Variants in SOX6 observed in about 807,000 individuals in gnomAD.
The protein encoded by SOX6 is transcription factor SOX-6.
Under a neutral mutation model 97.8 loss-of-function variants are expected in SOX6, and 11 were observed. The ratio of observed to expected loss-of-function variants is 0.11; its 90% confidence interval spans 0.07 to 0.19. SOX6 has a LOEUF of 0.19. Ranked by LOEUF, SOX6 falls within the 10% of genes least tolerant of loss-of-function variation. The pLI, the probability that SOX6 is intolerant of heterozygous loss-of-function variation, is 1.00. For missense variants in SOX6, 810 were observed against 1,039.5 expected (o/e 0.78, Z 3.04); for synonymous variants, 360 against 371.4 (o/e 0.97, Z 0.35).
At position 16,532,553 on chromosome 11, in the gene SOX6, A is replaced by T. The variant is rs80096434; in HGVS notation, n.610-56165T>A. 2.8e-3 allele frequency among the ~76,000 whole-genome samples: 432 copies of T among 152,054 alleles called. 2 individuals are homozygous for T. Among genetic ancestry groups the T allele is most frequent in the African/African-American group, 9.9e-3 (413 of 41,576 alleles). On this transcript the variant is annotated intron_variant and non_coding_transcript_variant, in intron 4 of 5. Transcript: ENST00000524520. ...GTAGTCTCCTTAGCAAATCTCAACT[A>T]CTGAATCCTACTTAGAGCATGTCCA...
At chr11:16,036,434 TGA>T (rs1855521045) in intron 12 of SOX6, among the ~76,000 whole-genome samples, 1 of 152,172 alleles carries the variant, frequency 6.6e-6, no homozygotes, top group African/African-American at 2.4e-5. Context: ...GTCTTTCTGT[TGA>T]GAGAGTGTTG....
chr11:15,995,852 T>A (rs1442061566), intron 13 of SOX6, among the ~76,000 whole-genome samples: 1 of 152,156 alleles, frequency 6.6e-6, no homozygotes, highest in Admixed American at 6.5e-5. Flanking sequence ...AGGAAATAAA[T>A]TCAGAGTTTT....
At position 16,301,746 on chromosome 11, in the gene SOX6, C is replaced by T. The variant is rs572951816; in HGVS notation, c.445+16700G>A. On this transcript the variant is annotated intron_variant, in intron 3 of 15. Transcript: ENST00000683767. ...TTTGATGCAACAATGTTCATTGTTGCAACCTGAAAGCAACAATGATAATTT... is the reference window on the plus strand; with the variant it reads ...TTTGATGCAACAATGTTCATTGTTGTAACCTGAAAGCAACAATGATAATTT... Among the ~76,000 whole-genome samples the T allele has an allele frequency of 3.3e-5, 5 of 151,918 alleles. No homozygotes were observed. The East Asian group carries it at 9.7e-4, about 29-fold the overall frequency.
At chr11:16,081,701 A>T (rs919714869) in intron 9 of SOX6, among the ~76,000 whole-genome samples, 14 of 152,178 alleles carry the variant, frequency 9.2e-5, no homozygotes, top group African/African-American at 3.4e-4. Flanking sequence ...ACTATAATTT[A>T]CAGCTCAGCA....
At chr11:16,469,835 C>T (rs1401073640) in intron 1 of SOX6, among the ~76,000 whole-genome samples, 1 of 152,018 alleles carries the variant, frequency 6.6e-6, no homozygotes. Context: ...TCTCAAAATT[C>T]CATCAATACA....
intron 6 of SOX6, among the ~76,000 whole-genome samples, chr11:16,183,292 A>G (rs1851390572): frequency 1.3e-5 from 2 of 151,586 alleles, no homozygotes; most frequent in Non-Finnish European, 2.9e-5. Flanking sequence ...TTACATTGCC[A>G]TAAGAAAAAG....
intron 6 of SOX6, among the ~76,000 whole-genome samples, chr11:16,129,675 TA>T (rs1309149377): frequency 6.6e-6 from 1 of 152,050 alleles, no homozygotes; most frequent in Non-Finnish European, 1.5e-5. Flanking sequence ...TTCATCATAA[TA>T]AGAGAATAAA....
chr11:15,984,515 A>T (rs1011735392), intron 15 of SOX6, among the ~76,000 whole-genome samples: 1 of 152,218 alleles, frequency 6.6e-6, no homozygotes, highest in East Asian at 1.9e-4. Flanking sequence ...TTAAAAGAGA[A>T]TGTTTATCAC....
intron 3 of SOX6, among the ~76,000 whole-genome samples, chr11:16,304,486 A>G (rs1162343286): frequency 6.6e-6 from 1 of 152,182 alleles, no homozygotes; most frequent in East Asian, 1.9e-4. Flanking sequence ...CCAGACACCA[A>G]ATCTGTTGGT....
intron 4 of SOX6, among the ~76,000 whole-genome samples, chr11:16,584,281 T>C (rs1167894122): frequency 6.6e-6 from 1 of 152,072 alleles, no homozygotes; most frequent in Non-Finnish European, 1.5e-5. Context: ...CCCTTTCAAT[T>C]CTAAAGTTCC....
At chr11:16,090,237 C>T (rs1049290005) in intron 9 of SOX6, among the ~76,000 whole-genome samples, 3 of 151,984 alleles carry the variant, frequency 2.0e-5, no homozygotes, top group Admixed American at 6.6e-5. Flanking sequence ...AGATAGAGGA[C>T]TACATTGGTT....
chr11:16,619,724 A>T (rs1344602951), intron 3 of SOX6, among the ~76,000 whole-genome samples: 1 of 152,128 alleles, frequency 6.6e-6, no homozygotes, highest in Non-Finnish European at 1.5e-5. Context: ...AATTAGGAAA[A>T]ATTTCTGAAT....
At position 16,228,991 on chromosome 11, in the gene SOX6, C is replaced by T. The variant is rs192233985; in HGVS notation, c.535+5591G>A. ...AAGGGAAAATAATAATCTATTATTT[C>T]TTAAATATGTAAAAATATTAAGCTC... is the stretch of plus-strand genomic sequence containing the variant. On this transcript the variant is annotated intron_variant, in intron 4 of 15. Coordinates refer to ENST00000683767, the MANE Select transcript of SOX6 (RefSeq NM_001367873.1). 5.1e-3 allele frequency among the ~76,000 whole-genome samples: 779 copies of T among 152,224 alleles called. 6 individuals carry two copies. The highest frequency in any genetic ancestry group is 0.027 in the Middle Eastern group (8 of 294).
chr11:16,272,607 A>T (rs935208010), intron 3 of SOX6, among the ~76,000 whole-genome samples: 2 of 151,850 alleles, frequency 1.3e-5, no homozygotes, highest in Non-Finnish European at 3.0e-5. Context: ...TAATTACTGC[A>T]ATTGTTATAG....
chr11:16,158,925 A>G (rs1850671686), intron 6 of SOX6, among the ~76,000 whole-genome samples: 1 of 151,586 alleles, frequency 6.6e-6, no homozygotes, highest in Admixed American at 6.6e-5. Context: ...CTTTTTACAG[A>G]AAAGTCTCAC....
intron 2 of SOX6, among the ~76,000 whole-genome samples, chr11:16,338,301 G>A (rs920209048): frequency 6.6e-6 from 1 of 151,930 alleles, no homozygotes; most frequent in African/African-American, 2.4e-5. Flanking sequence ...AAAGTAGAAT[G>A]AGGTAAAATG....
intron 3 of SOX6, among the ~76,000 whole-genome samples, chr11:16,635,457 T>C (rs755354548): frequency 2.6e-5 from 4 of 152,158 alleles, no homozygotes; most frequent in Non-Finnish European, 5.9e-5. Flanking sequence ...TTGAGAGAGA[T>C]GACTTAGTGT....
upstream of SOX6, among the ~76,000 whole-genome samples, chr11:16,357,364 T>C (rs1388069307): frequency 1.3e-5 from 2 of 152,094 alleles, no homozygotes; most frequent in Admixed American, 1.3e-4. Context: ...AGAAATACGA[T>C]TTCTGTGCGG....
In SOX6 at chr11:16,493,318, A is replaced by T. The variant is rs536123316; in HGVS notation, n.610-16930T>A. ...TATCTCACAAATCTTATATGAAATG[A>T]AAGGATCCAGAAACAAAAGGATATA... On this transcript the variant is annotated intron_variant and non_coding_transcript_variant, in intron 4 of 5. Coordinates refer to the SOX6 transcript ENST00000524520. 1.9e-4 allele frequency among the ~76,000 whole-genome samples: 29 copies of T among 152,356 alleles called. 1 individual carries two copies. In the Middle Eastern group the frequency reaches 0.01, roughly 54 times the overall value.
Sources: allele counts gnomAD v4.1 joint callset (sites outside exome capture counted in the v4.1 genomes callset), GRCh38; gene constraint gnomAD v4.1.1; transcripts MANE v1.5; gene names NCBI Gene and HGNC (gene_info 2026-07-23, HGNC 2026-07-21).